MINDY2: variants seen among roughly 807,000 people sequenced by gnomAD.
MINDY2 encodes MINDY lysine 48 deubiquitinase 2, also known as ubiquitin carboxyl-terminal hydrolase MINDY-2.
Under a neutral mutation model 68.2 loss-of-function variants are expected in MINDY2, and 52 were observed. The ratio of observed to expected loss-of-function variants is 0.76; its 90% CI spans 0.61 to 0.96. MINDY2 has a LOEUF of 0.96. Ranked by LOEUF, MINDY2 falls within the 40% of genes least tolerant of loss-of-function variation. The probability of loss-of-function intolerance (pLI) is 0.00; values close to 1 mark genes in which losing one functional copy is unlikely to be tolerated. For missense variants in MINDY2, 881 were observed against 773.4 expected, an observed-to-expected ratio of 1.14 and a Z score of -1.65; for synonymous variants, 372 against 303.0, an observed-to-expected ratio of 1.23 and a Z score of -2.36.
rs57308436 is a variant in MINDY2 at position 58,826,956 on chromosome 15, G to T, written c.1226-4818G>T. ...TCCCTCCTTTCCTTCCTTTTTTGTC[G>T]TTTATGACATTGACTTTTTAAAATA... On this transcript the variant is annotated intron_variant, in intron 5 of 8. Transcript: ENST00000559228. 1.7e-3 allele frequency among the ~76,000 whole-genome samples: 244 copies of T among 143,476 alleles called. 1 individual carries two copies. The highest frequency in any genetic ancestry group is 5.9e-3 in the African/African-American group (227 of 38,688). 94.1% of individuals were successfully genotyped at this position (143,476 alleles called of 152,430 possible).
chr15:58,783,569 G>A (rs1258391373), intron 1 of MINDY2, among the ~76,000 whole-genome samples: 3 of 152,130 alleles, frequency 2.0e-5, no homozygotes, highest in African/African-American at 7.2e-5. Context: ...TAAACAGAAG[G>A]TTTTGTTGTT....
At chr15:58,821,956 T>C (rs774316892) in intron 5 of MINDY2, 137 bp downstream of exon 5, 24 of 568,044 alleles carry the variant, frequency 4.2e-5, no homozygotes, top group Non-Finnish European at 6.6e-5. Flanking sequence ...TTTTAAGAAG[T>C]AACCATCCAT....
intron 2 of MINDY2, among the ~76,000 whole-genome samples, chr15:58,791,585 C>T (rs148444322): frequency 0.011 from 1,721 of 150,200 alleles, 30 homozygotes; most frequent in Middle Eastern, 0.024. Context: ...AGACTGCACT[C>T]TACCCTGGGC....
At chr15:58,780,987 T>G (rs1306587046) in intron 1 of MINDY2, among the ~76,000 whole-genome samples, 1 of 152,214 alleles carries the variant, frequency 6.6e-6, no homozygotes, top group Non-Finnish European at 1.5e-5. Context: ...TTCAGCCTAG[T>G]AAGCTTGCTG....
At chr15:58,778,545 A>G (rs1346339499) in intron 1 of MINDY2, among the ~76,000 whole-genome samples, 1 of 151,698 alleles carries the variant, frequency 6.6e-6, no homozygotes, top group Non-Finnish European at 1.5e-5. Context: ...CACCAAAAAA[A>G]AAAACCTCAC....
intron 2 of MINDY2, among the ~76,000 whole-genome samples, chr15:58,789,863 T>C (rs1417686641): frequency 6.6e-6 from 1 of 152,116 alleles, no homozygotes; most frequent in Non-Finnish European, 1.5e-5. Context: ...GTCAGGCTTG[T>C]CTTGAACTCC....
At chr15:58,837,932 G>GCA (rs1297958317) in intron 6 of MINDY2, among the ~76,000 whole-genome samples, 9 of 133,642 alleles carry the variant, frequency 6.7e-5, no homozygotes, top group Non-Finnish European at 6.1e-5. Flanking sequence ...TCATGCCACT[G>GCA]CACTCCAACC....
In MINDY2 at chr15:58,771,351, A is replaced by T. The variant is rs770883004; in HGVS notation, c.-45A>T. On this transcript the variant is annotated 5_prime_UTR_variant, in exon 1 of 9. Transcript: ENST00000559228. Reference sequence around the variant, plus strand: ...ATGGCGTCCAAGGCGCTGGCTGCGGAGAAGTGGCCGCGGTCTCCATAGAGC... The same window carrying T: ...ATGGCGTCCAAGGCGCTGGCTGCGGTGAAGTGGCCGCGGTCTCCATAGAGC... The T allele has an allele frequency of 7.0e-6, 11 of 1,566,648 alleles. No individual in the cohort carries two copies. Among genetic ancestry groups the T allele is most frequent in the Non-Finnish European group, 9.5e-6 (11 of 1,158,996 alleles).
At chr15:58,784,821 G>A (rs1460915909) in intron 1 of MINDY2, among the ~76,000 whole-genome samples, 1 of 151,476 alleles carries the variant, frequency 6.6e-6, no homozygotes, top group South Asian at 2.1e-4. Context: ...TTTCTGTAGG[G>A]ACATGGTCTC....
At chr15:58,839,306 TTAAG>T (rs1431579311) in intron 6 of MINDY2, among the ~76,000 whole-genome samples, 2 of 130,548 alleles carry the variant, frequency 1.5e-5, no homozygotes, top group Non-Finnish European at 3.2e-5. Context: ...AAATTCTCTG[TTAAG>T]TTAGACTGTT....
chr15:58,803,967 A>C (rs1343894440), intron 3 of MINDY2, among the ~76,000 whole-genome samples: 1 of 150,602 alleles, frequency 6.6e-6, no homozygotes, highest in Admixed American at 6.6e-5. Flanking sequence ...AAAAAAAAAA[A>C]AATACAAAAA....
chr15:58,803,248 C>T (rs1902786991), intron 3 of MINDY2, among the ~76,000 whole-genome samples: 3 of 151,542 alleles, frequency 2.0e-5, no homozygotes, highest in Admixed American at 6.6e-5. Flanking sequence ...GGGCAGATCA[C>T]GAAGTCAGGA....
intron 1 of MINDY2, among the ~76,000 whole-genome samples, chr15:58,774,553 GCTGA>G (rs1196934182): frequency 2.0e-5 from 3 of 150,846 alleles, no homozygotes; most frequent in African/African-American, 4.9e-5. Context: ...CCCTCGTGTA[GCTGA>G]CTATCTAGTG....
Position 58,856,504 on chromosome 15 carries a change from C to T in MINDY2, c.*1894C>T, listed in dbSNP as rs1439696748. ...CACAATTTGTTATTTCTTCAAATTT[C>T]CTATGGTAGCATGATAAATCATCAA... On this transcript the variant is annotated 3_prime_UTR_variant, in exon 9 of 9. Coordinates refer to ENST00000559228, the MANE Select transcript of MINDY2 (RefSeq NM_001040450.3). 5 of 152,396 alleles carry T rather than the reference C, an allele frequency of 3.3e-5. No individual in the cohort carries two copies. Among genetic ancestry groups the T allele is most frequent in the Non-Finnish European group, 7.4e-5 (5 of 68,010 alleles). The allele number at this position is 152,396 out of a possible 1,614,324, so 9.4% of individuals were successfully genotyped here. A position where few individuals can be genotyped will look rare whatever the true frequency, so the allele number is the denominator to read the frequency against.
chr15:58,785,107 C>G (rs1317259276), intron 1 of MINDY2, among the ~76,000 whole-genome samples: 4 of 115,058 alleles, frequency 3.5e-5, no homozygotes, highest in African/African-American at 1.4e-4. Context: ...TTGGCACTTG[C>G]TTTTGAAGTG....
At chr15:58,778,810 C>CTTTTTTTTTTTT (rs1182523003) in intron 1 of MINDY2, among the ~76,000 whole-genome samples, 5 of 114,374 alleles carry the variant, frequency 4.4e-5, no homozygotes, top group Non-Finnish European at 6.9e-5. Context: ...TTCTTTTTTT[C>CTTTTTTTTTTTT]TTTTTTTTTT....
intron 2 of MINDY2, among the ~76,000 whole-genome samples, chr15:58,795,469 G>C (rs981299508): frequency 2.0e-5 from 3 of 152,002 alleles, no homozygotes; most frequent in Admixed American, 2.0e-4. Context: ...GCAGTGGCGC[G>C]ATCTCAGCTC....
In MINDY2 at chr15:58,858,836, T is replaced by C. The variant is rs1399467143; in HGVS notation, c.*4226T>C. On this transcript the variant is annotated 3_prime_UTR_variant, in exon 9 of 9. Coordinates refer to ENST00000559228, the MANE Select transcript of MINDY2 (RefSeq NM_001040450.3). ...GTCTACAGTTTGTATTTTAAGGAAT[T>C]GGACATGAAGAATTCTAGATCATTT... 6.6e-6 allele frequency: 1 copy of C among 152,154 alleles called. No individual in the cohort carries two copies. The highest frequency in any genetic ancestry group is 1.5e-5 in the Non-Finnish European group (1 of 67,970). The allele number at this position is 152,154 out of a possible 1,614,324, so 9.4% of individuals were successfully genotyped here.
intron 4 of MINDY2, among the ~76,000 whole-genome samples, chr15:58,818,720 A>G (rs1340490348): frequency 7.1e-6 from 1 of 141,776 alleles, no homozygotes; most frequent in Non-Finnish European, 1.5e-5. Flanking sequence ...GCTCACTGCA[A>G]CCTCCACCTC....
Sources: gnomAD v4.1 joint callset for allele counts (sites outside exome capture counted in the v4.1 genomes callset) on GRCh38, gnomAD v4.1.1 for gene constraint, MANE v1.5 for transcripts, NCBI Gene and HGNC (gene_info 2026-07-23, HGNC 2026-07-21) for gene names.